RBFOX1: variants seen among roughly 807,000 people sequenced by gnomAD.
The protein encoded by RBFOX1 is RNA binding fox-1 homolog 1.
A neutral mutation model predicts 57.7 loss-of-function variants in RBFOX1; 8 were observed. The ratio of observed to expected loss-of-function variants is 0.14; its 90% CI spans 0.08 to 0.25. The LOEUF (loss-of-function observed/expected upper bound fraction) is 0.25, where lower values mean the gene tolerates loss of function less well. RBFOX1 is among the 10% of genes least tolerant of loss of function. RBFOX1 has a pLI of 1.00. For missense variants in RBFOX1, 611 were observed against 548.5 expected (o/e 1.11, Z -1.14); for synonymous variants, 326 against 222.4 (o/e 1.47, Z -4.15).
At chr16:5,605,262 G>C (rs930620580) in intron 3 of RBFOX1, among the ~76,000 whole-genome samples, 2 of 152,246 alleles carry the variant, frequency 1.3e-5, no homozygotes, top group South Asian at 2.1e-4. Flanking sequence ...TTTGGCTTCC[G>C]TGTCTGTGAA....
In RBFOX1 at chr16:7,518,357, A is replaced by G. The variant is rs557383173; in HGVS notation, c.238A>G (p.Thr80Ala). 15 of 1,612,936 alleles carry G rather than the reference A, an allele frequency of 9.3e-6. No individual in the cohort carries two copies. The highest frequency in any genetic ancestry group is 3.3e-5 in the South Asian group (3 of 90,850). Residue 80 changes from threonine to alanine, a missense_variant, in exon 5 of 16, where the codon ACG becomes GCG. Transcript: ENST00000550418. ...GCACTCCGAGCAGAGCCCGGCGGAC[A>G]CGAGCGCTCAGACCGTCTCTGGCAC... Reference protein sequence around the residue: ...QTHSEQSPADTSAQTVSGTAT... With the variant: ...QTHSEQSPADASAQTVSGTAT...
In RBFOX1 at chr16:7,520,757, C is replaced by A. The variant is rs112603986; in HGVS notation, c.270+2368C>A. The stretch of plus-strand genomic sequence containing the variant: ...GTAGTAGTGATGGGGATGTTGTTTA[C>A]TGTTTGTTGGCTATTTTGTGACAAT... On this transcript the variant is annotated intron_variant, in intron 5 of 15. Coordinates refer to ENST00000550418, the MANE Select transcript of RBFOX1 (RefSeq NM_018723.4). Among the ~76,000 whole-genome samples, 432 of 152,258 alleles carry A rather than the reference C, an allele frequency of 2.8e-3. 2 individuals are homozygous for A. The highest frequency in any genetic ancestry group is 5.8e-3 in the Admixed American group (88 of 15,304).
chr16:7,307,696 C>T (rs1396213304), intron 4 of RBFOX1, among the ~76,000 whole-genome samples: 1 of 152,090 alleles, frequency 6.6e-6, no homozygotes, highest in Non-Finnish European at 1.5e-5. Context: ...GATATCAGAC[C>T]CAGTGATGTA....
chr16:7,471,288 A>C (rs2150930620), intron 4 of RBFOX1, among the ~76,000 whole-genome samples: 1 of 152,332 alleles, frequency 6.6e-6, no homozygotes, highest in East Asian at 1.9e-4. Context: ...TTCCAACAGA[A>C]CTGCAATCTC....
Position 6,865,851 on chromosome 16 carries a change from G to A in RBFOX1, c.-15-186206G>A, listed in dbSNP as rs116459718. On this transcript the variant is annotated intron_variant, in intron 3 of 15. Transcript: ENST00000550418. The stretch of plus-strand genomic sequence containing the variant: ...TACAATTAACTTCTCTCTTTTTTGC[G>A]TGTAGGCTTATTTCTTCCTGACAAG... Among the ~76,000 whole-genome samples, 785 of 152,000 alleles carry A rather than the reference G, an allele frequency of 5.2e-3. 8 individuals are homozygous for A. The highest frequency in any genetic ancestry group is 0.018 in the African/African-American group (750 of 41,484).
chr16:5,512,430 C>G (rs201849100), intron 2 of RBFOX1, among the ~76,000 whole-genome samples: 1 of 79,686 alleles, frequency 1.3e-5, no homozygotes, highest in Non-Finnish European at 2.3e-5. Flanking sequence ...CTCTCTCTCT[C>G]TCTGTCTCTC....
intron 3 of RBFOX1, among the ~76,000 whole-genome samples, chr16:5,662,244 A>G (rs1172946739): frequency 6.6e-6 from 1 of 152,198 alleles, no homozygotes; most frequent in Non-Finnish European, 1.5e-5. Flanking sequence ...GTAAAACAGT[A>G]GTTCTGAACC....
At chr16:5,873,578 C>G (rs2057533311) in intron 4 of RBFOX1, among the ~76,000 whole-genome samples, 1 of 152,198 alleles carries the variant, frequency 6.6e-6, no homozygotes, top group Admixed American at 6.5e-5. Flanking sequence ...GTGACAGTCT[C>G]TTATAGTCTA....
intron 1 of RBFOX1, among the ~76,000 whole-genome samples, chr16:5,436,184 A>G (rs1218684244): frequency 1.3e-5 from 2 of 152,138 alleles, no homozygotes; most frequent in Admixed American, 6.5e-5. Flanking sequence ...AGACACTTCA[A>G]TGCTCTGATC....
At chr16:5,985,134 C>T (rs905244096) in intron 4 of RBFOX1, among the ~76,000 whole-genome samples, 13 of 150,988 alleles carry the variant, frequency 8.6e-5, no homozygotes, top group African/African-American at 1.7e-4. Context: ...TACAGGCACC[C>T]GCCACCATAC....
chr16:7,313,706 C>T (rs981583852), intron 4 of RBFOX1, among the ~76,000 whole-genome samples: 2 of 63,184 alleles, frequency 3.2e-5, no homozygotes, highest in African/African-American at 1.2e-4. Context: ...ACATTTAATC[C>T]CCCACAAAAA....
intron 3 of RBFOX1, among the ~76,000 whole-genome samples, chr16:7,049,927 C>G (rs995068149): frequency 6.6e-6 from 1 of 152,162 alleles, no homozygotes; most frequent in African/African-American, 2.4e-5. Flanking sequence ...TAAGTACATT[C>G]ACAATGTTGT....
rs370133666 is a variant in RBFOX1, at chr16:6,868,702, C to G, written c.-15-183355C>G. ...GGCCAGGCTGGTCAGAACTTCTGAT[C>G]TCAGGTGACCCACTTGCTTTGGCCT... On this transcript the variant is annotated intron_variant, in intron 3 of 15. Coordinates refer to ENST00000550418, the MANE Select transcript of RBFOX1 (RefSeq NM_018723.4). 7.2e-5 allele frequency among the ~76,000 whole-genome samples: 11 copies of G among 152,242 alleles called. No individual in the cohort carries two copies. In the South Asian group the frequency reaches 1.7e-3, roughly 23 times the overall value.
intron 3 of RBFOX1, among the ~76,000 whole-genome samples, chr16:5,788,340 C>T (rs2054578939): frequency 6.6e-6 from 1 of 152,144 alleles, no homozygotes; most frequent in Non-Finnish European, 1.5e-5. Flanking sequence ...TTTGAAGGAA[C>T]ACTTGTGGCT....
At chr16:6,233,434 G>A (rs946746420) in intron 1 of RBFOX1, among the ~76,000 whole-genome samples, 7 of 151,888 alleles carry the variant, frequency 4.6e-5, no homozygotes, top group African/African-American at 7.3e-5. Context: ...CCTCCACACC[G>A]CAACCCAAAC....
intron 1 of RBFOX1, among the ~76,000 whole-genome samples, chr16:6,275,236 A>G (rs1218863206): frequency 6.6e-6 from 1 of 152,052 alleles, no homozygotes; most frequent in African/African-American, 2.4e-5. Context: ...GTGTGAACCC[A>G]GGAGGTGGAG....
At chr16:6,511,047 T>C (rs922960808) in intron 2 of RBFOX1, among the ~76,000 whole-genome samples, 1 of 152,090 alleles carries the variant, frequency 6.6e-6, no homozygotes. Flanking sequence ...AAAAGCAACA[T>C]TGAGGTTGCA....
At chr16:5,469,969 A>G (rs754747674) in intron 2 of RBFOX1, among the ~76,000 whole-genome samples, 1 of 152,106 alleles carries the variant, frequency 6.6e-6, no homozygotes, top group Non-Finnish European at 1.5e-5. Context: ...ATTTGTGCCC[A>G]TGTACTTGTC....
At chr16:7,458,366 C>G (rs1489836920) in intron 4 of RBFOX1, among the ~76,000 whole-genome samples, 1 of 152,180 alleles carries the variant, frequency 6.6e-6, no homozygotes, top group Non-Finnish European at 1.5e-5. Flanking sequence ...TGCTCACTTT[C>G]CCATGCTGTC....
Sources: gnomAD v4.1 joint callset for allele counts (sites outside exome capture counted in the v4.1 genomes callset) on GRCh38, gnomAD v4.1.1 for gene constraint, MANE v1.5 for transcripts, NCBI Gene and HGNC (gene_info 2026-07-23, HGNC 2026-07-21) for gene names.